Variants in IGSF6 observed in about 807,000 individuals in gnomAD.
IGSF6 encodes immunoglobulin superfamily member 6.
IGSF6 carries 23 observed loss-of-function variants against 24.7 expected under a neutral mutation model. The ratio of observed to expected loss-of-function variants is 0.93; its 90% CI spans 0.67 to 1.32. IGSF6 has a LOEUF of 1.32. IGSF6 is among the 40% of genes most tolerant of loss of function. The probability of loss-of-function intolerance (pLI) is 0.00; values close to 1 mark genes in which losing one functional copy is unlikely to be tolerated. For synonymous variants in IGSF6, 110 were observed against 113.7 expected (o/e 0.97, Z 0.21); for missense variants, 295 against 293.6 (o/e 1.00, Z -0.04).
chr16:21,644,330 T>C lies in IGSF6; in HGVS notation c.494A>G (p.Tyr165Cys), dbSNP rs148987305. The C allele has an allele frequency of 3.1e-6, 5 of 1,613,912 alleles. No homozygotes were observed. The highest frequency in any genetic ancestry group is 1.6e-4 in the Middle Eastern group (1 of 6,084). ...GAAGGCCACGCACACACCGGTCACATAGACAGAGAGCAGTGATACAAGAGC... is the reference window on the plus strand; with the variant it reads ...GAAGGCCACGCACACACCGGTCACACAGACAGAGAGCAGTGATACAAGAGC... Reference protein sequence around the residue: ...LTALVSLLSVYVTGVCVAFIL... With the variant: ...LTALVSLLSVCVTGVCVAFIL... The change falls in exon 3 of 6, where the codon TAT becomes TGT. Residue 165 changes from tyrosine to cysteine, a missense_variant. Transcript: ENST00000268389.
At chr16:21,643,675 T>A (rs1966338319) in intron 3 of IGSF6, 77 bp from the exon 4 acceptor site, 2 of 942,966 alleles carry the variant, frequency 2.1e-6, no homozygotes, top group Non-Finnish European at 3.3e-6. Flanking sequence ...CATGCCCTAA[T>A]AAGATTAAAC....
At chr16:21,652,353 C>G in intron 1 of IGSF6, 179 bp downstream of exon 1, 1 of 487,320 alleles carries the variant, frequency 2.1e-6, no homozygotes, top group East Asian at 3.3e-5. Flanking sequence ...GAAACTTTTT[C>G]TCAGCTATTT....
chr16:21,645,703 T>G (rs570351574), intron 2 of IGSF6, among the ~76,000 whole-genome samples: 19 of 152,316 alleles, frequency 1.2e-4, no homozygotes, highest in African/African-American at 4.6e-4. Context: ...ACCTTCATCT[T>G]TTTACAAGCC....
chr16:21,642,726 A>G (rs973296670), intron 5 of IGSF6, among the ~76,000 whole-genome samples: 5 of 152,214 alleles, frequency 3.3e-5, no homozygotes, highest in African/African-American at 1.2e-4. Context: ...AAACATTTGC[A>G]GTATCTACTG....
At chr16:21,642,451 A>T (rs772417081) in intron 5 of IGSF6, 1 of 152,202 alleles carries the variant, frequency 6.6e-6, no homozygotes, top group South Asian at 2.1e-4. Flanking sequence ...ATTTTAGCTT[A>T]TTTGAGCTAT....
At chr16:21,651,277 A>G (rs1161682060) in intron 1 of IGSF6, among the ~76,000 whole-genome samples, 1 of 152,096 alleles carries the variant, frequency 6.6e-6, no homozygotes, top group Non-Finnish European at 1.5e-5. Flanking sequence ...CTTGACATTT[A>G]AACAAAGCTG....
chr16:21,647,075 A>G (rs772985937), intron 2 of IGSF6, 58 bp downstream of exon 2: 6 of 1,611,592 alleles, frequency 3.7e-6, no homozygotes. Context: ...TGAGGTAATG[A>G]TTTTACAGGC....
intron 3 of IGSF6, 31 bp downstream of exon 3, chr16:21,644,259 G>T: frequency 7.1e-7 from 1 of 1,399,084 alleles, no homozygotes; most frequent in South Asian, 1.2e-5. Flanking sequence ...CAAGGATATA[G>T]GGACATTCCA....
intron 1 of IGSF6, among the ~76,000 whole-genome samples, chr16:21,647,929 C>T (rs1014826919): frequency 1.3e-5 from 2 of 152,218 alleles, no homozygotes; most frequent in African/African-American, 2.4e-5. Flanking sequence ...TGTCCCCAGA[C>T]GAACGTTGCT....
chr16:21,643,972 T>TCGCC (rs1966350182), intron 3 of IGSF6, among the ~76,000 whole-genome samples: 1 of 152,184 alleles, frequency 6.6e-6, no homozygotes, highest in Admixed American at 6.5e-5. Context: ...CAGTAATATC[T>TCGCC]CGCCCTCCAC....
intron 1 of IGSF6, among the ~76,000 whole-genome samples, chr16:21,650,605 AT>A (rs1388718223): frequency 1.3e-5 from 2 of 151,932 alleles, no homozygotes; most frequent in Non-Finnish European, 2.9e-5. Flanking sequence ...AAAAACAGGT[AT>A]TTGTAACTTT....
At chr16:21,645,531 T>C (rs1966398748) in intron 2 of IGSF6, among the ~76,000 whole-genome samples, 1 of 152,204 alleles carries the variant, frequency 6.6e-6, no homozygotes, top group African/African-American at 2.4e-5. Context: ...TTTTTATTTG[T>C]GAAACTAACA....
At chr16:21,651,083 T>TG (rs1251848970) in intron 1 of IGSF6, among the ~76,000 whole-genome samples, 1 of 151,662 alleles carries the variant, frequency 6.6e-6, no homozygotes, top group African/African-American at 2.4e-5. Context: ...ATTAGCCGGG[T>TG]GTGGTGGCAG....
rs74542667 is a variant in IGSF6, at chr16:21,641,920, G to A, written c.667-327C>T. The A allele has an allele frequency of 8.7e-3, 1,618 of 186,984 alleles. 57 individuals are homozygous for A. The highest frequency in any genetic ancestry group is 0.081 in the East Asian group (587 of 7,216). 11.6% of individuals were successfully genotyped at this position (186,984 alleles called of 1,614,324 possible). A position where few individuals can be genotyped will look rare whatever the true frequency, so the allele number is the denominator to read the frequency against. ...CCAGCCTCAGAAAGAAAAATGATTT[G>A]TAATTACTCAGCATGGCATCTTAGT... On this transcript the variant is annotated intron_variant, in intron 5 of 5. Transcript: ENST00000268389.
At chr16:21,646,070 A>G (rs1966418477) in intron 2 of IGSF6, among the ~76,000 whole-genome samples, 1 of 152,142 alleles carries the variant, frequency 6.6e-6, no homozygotes, top group Non-Finnish European at 1.5e-5. Context: ...GGTCCTTCCT[A>G]AGGGAAGAGA....
intron 3 of IGSF6, among the ~76,000 whole-genome samples, chr16:21,643,943 T>TGCTG (rs1966348106): frequency 6.6e-6 from 1 of 152,214 alleles, no homozygotes; most frequent in Non-Finnish European, 1.5e-5. Context: ...AAGACTGTTC[T>TGCTG]TAAGGCTTTC....
At chr16:21,644,652 ATATTGC>A (rs1966377298) in intron 2 of IGSF6, among the ~76,000 whole-genome samples, 1 of 152,226 alleles carries the variant, frequency 6.6e-6, no homozygotes, top group African/African-American at 2.4e-5. Context: ...ACCATTTGTC[ATATTGC>A]TAAGCATCAC....
intron 1 of IGSF6, among the ~76,000 whole-genome samples, chr16:21,651,148 G>A (rs184492263): frequency 5.9e-5 from 9 of 152,202 alleles, no homozygotes; most frequent in South Asian, 2.1e-4. Context: ...GCGTGAACCC[G>A]GGAGGCGGAG....
At chr16:21,650,301 G>A (rs534065316) in intron 1 of IGSF6, among the ~76,000 whole-genome samples, 7 of 152,262 alleles carry the variant, frequency 4.6e-5, no homozygotes, top group South Asian at 4.1e-4. Flanking sequence ...GAGGTCAGGC[G>A]TTCGAGACTA....
Sources: gnomAD v4.1 joint callset for allele counts (sites outside exome capture counted in the v4.1 genomes callset) on GRCh38, gnomAD v4.1.1 for gene constraint, MANE v1.5 for transcripts, NCBI Gene and HGNC (gene_info 2026-07-23, HGNC 2026-07-21) for gene names.